Variants in MAGI2 observed in about 807,000 individuals in gnomAD.
MAGI2 encodes the protein membrane-associated guanylate kinase, WW and PDZ domain-containing protein 2.
Under a neutral mutation model 133.3 loss-of-function variants are expected in MAGI2, and 35 were observed. The ratio of observed to expected loss-of-function variants is 0.26; its 90% CI spans 0.20 to 0.35. The LOEUF (loss-of-function observed/expected upper bound fraction) is 0.35. MAGI2 is among the 10% of genes least tolerant of loss of function. The pLI is 1.00. For synonymous variants in MAGI2, 729 were observed against 710.6 expected (o/e 1.03, Z -0.41); for missense variants, 1,636 against 1,863.4 (o/e 0.88, Z 2.25).
At chr7:79,158,382 T>C (rs182583058) in intron 1 of MAGI2, among the ~76,000 whole-genome samples, 6 of 152,228 alleles carry the variant, frequency 3.9e-5, no homozygotes, top group African/African-American at 1.4e-4. Context: ...ACTAGTCAAA[T>C]GCTTTTTCCA....
At chr7:78,927,930 T>C (rs1799837610) in intron 2 of MAGI2, among the ~76,000 whole-genome samples, 1 of 151,902 alleles carries the variant, frequency 6.6e-6, no homozygotes, top group South Asian at 2.1e-4. Flanking sequence ...ATGCTATCCC[T>C]AAGGTGCCAT....
intron 1 of MAGI2, among the ~76,000 whole-genome samples, chr7:79,086,194 A>C (rs1816471410): frequency 1.3e-5 from 2 of 151,832 alleles, no homozygotes; most frequent in South Asian, 4.1e-4. Context: ...AAATTTCCCT[A>C]AGGATGGGAC....
At chr7:78,494,047 G>T (rs1793866866) in intron 5 of MAGI2, among the ~76,000 whole-genome samples, 1 of 151,866 alleles carries the variant, frequency 6.6e-6, no homozygotes, top group Admixed American at 6.6e-5. Flanking sequence ...CATGATCTTG[G>T]CTCACTGCCA....
At chr7:78,839,497 G>A (rs910752954) in intron 2 of MAGI2, among the ~76,000 whole-genome samples, 1 of 151,938 alleles carries the variant, frequency 6.6e-6, no homozygotes, top group African/African-American at 2.4e-5. Flanking sequence ...TCTGGCACTG[G>A]GTAATTTATA....
At chr7:78,342,355 TTGG>T (rs1427794319) in intron 9 of MAGI2, among the ~76,000 whole-genome samples, 1 of 152,172 alleles carries the variant, frequency 6.6e-6, no homozygotes, top group African/African-American at 2.4e-5. Context: ...TTTTACACTG[TTGG>T]TGGGAGTGTA....
chr7:78,562,880 T>C (rs1419479089), intron 3 of MAGI2, among the ~76,000 whole-genome samples: 2 of 152,162 alleles, frequency 1.3e-5, no homozygotes, highest in Non-Finnish European at 2.9e-5. Flanking sequence ...AATTTTTGCT[T>C]TGCACCTTCC....
At chr7:78,219,719 A>G (rs1198695692) in intron 10 of MAGI2, among the ~76,000 whole-genome samples, 28 of 152,192 alleles carry the variant, frequency 1.8e-4, no homozygotes, top group Admixed American at 1.8e-3. Context: ...TCTCCAATCC[A>G]GAAACCTGGG....
chr7:78,819,945 C>T (rs6956938), intron 2 of MAGI2, among the ~76,000 whole-genome samples: 2,770 of 151,974 alleles, frequency 0.018, 59 homozygotes, highest in African/African-American at 0.05. Flanking sequence ...AGAATCTGTG[C>T]CATTTCAGTG....
intron 2 of MAGI2, among the ~76,000 whole-genome samples, chr7:78,945,211 A>C (rs995509935): frequency 1.1e-4 from 16 of 151,396 alleles, no homozygotes; most frequent in African/African-American, 3.6e-4. Context: ...ATAGGCGTGC[A>C]TCCCCACACC....
At chr7:78,400,296 A>G (rs1338259922) in intron 6 of MAGI2, among the ~76,000 whole-genome samples, 1 of 152,208 alleles carries the variant, frequency 6.6e-6, no homozygotes, top group Non-Finnish European at 1.5e-5. Context: ...GCAGCAGCAG[A>G]AAACAATGTT....
At position 78,205,246 on chromosome 7, in the gene MAGI2, C is replaced by T. The variant is rs1418715787; in HGVS notation, c.2048-4053G>A. On this transcript the variant is annotated intron_variant, in intron 10 of 21. Transcript: ENST00000354212. ...TCCCAGGCTAAAGCGATCCTCCCTC[C>T]TCAGCCTCCTGAGTAGCTGGGACCA... 2.0e-5 allele frequency among the ~76,000 whole-genome samples: 3 copies of T among 152,228 alleles called. No individual in the cohort carries two copies. The South Asian group carries it at 6.2e-4, about 31-fold the overall frequency.
At chr7:78,516,480 G>A (rs1479724544) in intron 4 of MAGI2, among the ~76,000 whole-genome samples, 6 of 152,098 alleles carry the variant, frequency 3.9e-5, no homozygotes, top group Non-Finnish European at 7.4e-5. Flanking sequence ...AGCCTGCCAA[G>A]GAGCTGGGAC....
At chr7:79,438,637 G>A (rs1848302032) in intron 1 of MAGI2, among the ~76,000 whole-genome samples, 1 of 151,974 alleles carries the variant, frequency 6.6e-6, no homozygotes, top group Admixed American at 6.6e-5. Context: ...AAACCTGAAA[G>A]TCATTTTTGC....
At chr7:79,176,212 C>A (rs922076463) in intron 1 of MAGI2, among the ~76,000 whole-genome samples, 1 of 151,830 alleles carries the variant, frequency 6.6e-6, no homozygotes, top group Non-Finnish European at 1.5e-5. Context: ...TAAGGAAGGA[C>A]CTGCTGCCTC....
At chr7:78,651,959 G>A (rs1811622239) in intron 2 of MAGI2, among the ~76,000 whole-genome samples, 1 of 28,136 alleles carries the variant, frequency 3.6e-5, no homozygotes, top group Admixed American at 3.6e-4. Flanking sequence ...ATTTTGTGGT[G>A]TAAACACCAT....
intron 2 of MAGI2, among the ~76,000 whole-genome samples, chr7:78,689,862 G>A (rs1057502341): frequency 6.6e-6 from 1 of 151,856 alleles, no homozygotes; most frequent in African/African-American, 2.4e-5. Context: ...GGGCTCTTAG[G>A]ATTAGAGCTG....
intron 3 of MAGI2, among the ~76,000 whole-genome samples, chr7:78,528,173 AATC>A (rs1356138295): frequency 6.6e-6 from 1 of 152,240 alleles, no homozygotes; most frequent in African/African-American, 2.4e-5. Flanking sequence ...AATGGTTGAG[AATC>A]ATATTTGTTT....
chr7:78,641,275 T>G (rs1262705039), intron 2 of MAGI2, among the ~76,000 whole-genome samples: 3 of 152,182 alleles, frequency 2.0e-5, no homozygotes, highest in Non-Finnish European at 2.9e-5. Context: ...AAAGGCTGAA[T>G]AGCTATTTAT....
intron 9 of MAGI2, among the ~76,000 whole-genome samples, chr7:78,333,277 G>A (rs1024358545): frequency 7.2e-5 from 11 of 152,160 alleles, no homozygotes; most frequent in Middle Eastern, 3.2e-3. Context: ...CTCTGTACCA[G>A]AAAGATTGTG....
Sources: gnomAD v4.1 joint callset for allele counts (sites outside exome capture counted in the v4.1 genomes callset) on GRCh38, gnomAD v4.1.1 for gene constraint, MANE v1.5 for transcripts, NCBI Gene and HGNC (gene_info 2026-07-23, HGNC 2026-07-21) for gene names.